ROBO2: variants seen among roughly 807,000 people sequenced by gnomAD.
ROBO2 encodes roundabout homolog 2.
Under a neutral mutation model 160.8 loss-of-function variants are expected in ROBO2, and 53 were observed. The observed-to-expected ratio is 0.33, with a 90% confidence interval of 0.26 to 0.41. The LOEUF (loss-of-function observed/expected upper bound fraction) is 0.41. Among genes scored for constraint, ROBO2 ranks in the 10% least tolerant of loss-of-function variants. The pLI is 1.00. For missense variants in ROBO2, 1,577 were observed against 1,722.4 expected (o/e 0.92, Z 1.49); for synonymous variants, 664 against 611.7 (o/e 1.09, Z -1.26).
chr3:76,111,053 C>T (rs1298609298), intron 2 of ROBO2, among the ~76,000 whole-genome samples: 2 of 152,040 alleles, frequency 1.3e-5, no homozygotes, highest in African/African-American at 4.8e-5. Flanking sequence ...TCCTGACCCC[C>T]AATACCTTAA....
At chr3:76,230,743 A>G (rs113902917) in intron 2 of ROBO2, among the ~76,000 whole-genome samples, 2,766 of 152,282 alleles carry the variant, frequency 0.018, 103 homozygotes, top group East Asian at 0.14. Context: ...ATTCCCAGAA[A>G]GATATGTTAA....
intron 2 of ROBO2, among the ~76,000 whole-genome samples, chr3:77,400,797 G>C (rs375536872): frequency 6.6e-6 from 1 of 151,654 alleles, no homozygotes; most frequent in Admixed American, 6.6e-5. Context: ...CTTCAGAGAC[G>C]AGGAAAACTG....
chr3:77,068,931 A>C (rs1430854663), intron 1 of ROBO2, among the ~76,000 whole-genome samples: 1 of 152,146 alleles, frequency 6.6e-6, no homozygotes, highest in Non-Finnish European at 1.5e-5. Flanking sequence ...CAGGAGTAGA[A>C]TGCTATTTCG....
intron 2 of ROBO2, among the ~76,000 whole-genome samples, chr3:77,365,957 AT>A (rs1313240252): frequency 6.6e-6 from 1 of 152,196 alleles, no homozygotes; most frequent in Non-Finnish European, 1.5e-5. Context: ...AATTATTTTG[AT>A]TGCAGAAAAA....
chr3:76,290,219 T>G (rs1003117313), intron 2 of ROBO2, among the ~76,000 whole-genome samples: 1 of 152,102 alleles, frequency 6.6e-6, no homozygotes, highest in Admixed American at 6.6e-5. Context: ...CTTTCACCAG[T>G]GTTTTGTAAT....
chr3:76,732,616 C>G (rs541357166), intron 2 of ROBO2, among the ~76,000 whole-genome samples: 5 of 152,080 alleles, frequency 3.3e-5, no homozygotes, highest in African/African-American at 1.2e-4. Context: ...CTAAATAATG[C>G]TTGCTACACA....
chr3:75,955,764 A>G (rs1444572570), intron 2 of ROBO2, among the ~76,000 whole-genome samples: 1 of 151,730 alleles, frequency 6.6e-6, no homozygotes, highest in East Asian at 1.9e-4. Context: ...ACTCTGAGTT[A>G]GATGTCGTGG....
At chr3:76,363,139 A>C (rs2075617942) in intron 2 of ROBO2, among the ~76,000 whole-genome samples, 1 of 151,966 alleles carries the variant, frequency 6.6e-6, no homozygotes, top group Non-Finnish European at 1.5e-5. Context: ...AGCAGGTAGC[A>C]CTCGATAAAA....
At chr3:76,206,057 C>G (rs1441795970) in intron 2 of ROBO2, among the ~76,000 whole-genome samples, 1 of 152,068 alleles carries the variant, frequency 6.6e-6, no homozygotes, top group East Asian at 1.9e-4. Flanking sequence ...CCCCTGGAGC[C>G]CAGTTATTGT....
At chr3:77,251,254 AGATTTAATAT>A (rs1244649085) in intron 2 of ROBO2, among the ~76,000 whole-genome samples, 7 of 152,154 alleles carry the variant, frequency 4.6e-5, no homozygotes, top group African/African-American at 1.7e-4. Flanking sequence ...AGGGACCTGC[AGATTTAATAT>A]GATGTGGACA....
At chr3:76,103,114 C>G (rs1007541261) in intron 2 of ROBO2, among the ~76,000 whole-genome samples, 5 of 152,128 alleles carry the variant, frequency 3.3e-5, no homozygotes, top group African/African-American at 1.2e-4. Flanking sequence ...TGAGCCACCA[C>G]GCCCGGCCAG....
At chr3:76,017,161 C>A (rs1233663187) in intron 2 of ROBO2, among the ~76,000 whole-genome samples, 1 of 152,124 alleles carries the variant, frequency 6.6e-6, no homozygotes, top group Non-Finnish European at 1.5e-5. Context: ...GCTTATGGCA[C>A]CTTCCATGGC....
At chr3:77,170,110 T>C (rs992537788) in intron 2 of ROBO2, among the ~76,000 whole-genome samples, 2 of 152,198 alleles carry the variant, frequency 1.3e-5, no homozygotes, top group African/African-American at 2.4e-5. Context: ...TTTTAAAGAG[T>C]GTACATTCTC....
intron 6 of ROBO2, among the ~76,000 whole-genome samples, chr3:77,541,091 A>G (rs2092440786): frequency 6.6e-6 from 1 of 152,228 alleles, no homozygotes; most frequent in Non-Finnish European, 1.5e-5. Context: ...CAATTATAGA[A>G]TTAAAAGTTT....
intron 2 of ROBO2, among the ~76,000 whole-genome samples, chr3:76,763,902 T>C (rs1203432144): frequency 6.6e-6 from 1 of 151,892 alleles, no homozygotes; most frequent in Admixed American, 6.6e-5. Flanking sequence ...TATACTATTG[T>C]CCTCCATCCC....
chr3:76,261,192 GTGTGTGTGTGTATA>G (rs1490567924), intron 2 of ROBO2, among the ~76,000 whole-genome samples: 2 of 124,804 alleles, frequency 1.6e-5, no homozygotes, highest in Non-Finnish European at 3.6e-5. Context: ...GTGTGTGTGT[GTGTGTGTGTGTATA>G]TATATATATA....
chr3:76,368,387 G>A (rs1214575416), intron 2 of ROBO2, among the ~76,000 whole-genome samples: 3 of 151,920 alleles, frequency 2.0e-5, no homozygotes, highest in Non-Finnish European at 4.4e-5. Context: ...ATTCAGCTGG[G>A]TGATTTTTTT....
intron 2 of ROBO2, among the ~76,000 whole-genome samples, chr3:77,472,729 A>T (rs1244544762): frequency 6.6e-6 from 1 of 152,150 alleles, no homozygotes; most frequent in African/African-American, 2.4e-5. Context: ...ATGAAGTTTT[A>T]AAAATTCTAT....
rs1580090594 is a variant in ROBO2 at position 77,217,285 on chromosome 3, G to A, written c.388+118945G>A. On this transcript the variant is annotated intron_variant, in intron 2 of 25. Coordinates refer to ENST00000461745, the Ensembl canonical transcript of ROBO2. ...AGCCTCCCAAGTAGCTAAGACCACA[G>A]GTGCACATCACCACGCCTGGCTACT... 4.6e-5 allele frequency among the ~76,000 whole-genome samples: 7 copies of A among 152,204 alleles called. 2 individuals are homozygous for A. The highest frequency in any genetic ancestry group is 4.6e-4 in the Admixed American group (7 of 15,278).
Sources: gnomAD v4.1 joint callset for allele counts (sites outside exome capture counted in the v4.1 genomes callset) on GRCh38, gnomAD v4.1.1 for gene constraint, MANE v1.5 for transcripts, NCBI Gene and HGNC (gene_info 2026-07-23, HGNC 2026-07-21) for gene names.